The following ZNF792 variants were observed in gnomAD, a reference collection of about 807,000 sequenced individuals.
ZNF792 encodes the protein zinc finger protein 792.
A neutral mutation model predicts 13.1 loss-of-function variants in ZNF792; 14 were observed. The observed-to-expected ratio is 1.07, with a 90% CI of 0.71 to 1.67. The LOEUF is 1.67. Ranked by LOEUF, ZNF792 falls within the 40% of genes most tolerant of loss-of-function variation. The pLI is 0.00. For synonymous variants in ZNF792, 257 were observed against 292.0 expected, an observed-to-expected ratio of 0.88 and a Z score of 1.22; for missense variants, 740 against 807.9, an observed-to-expected ratio of 0.92 and a Z score of 1.02.
At chr19:34,963,484 G>T in intron 1 of ZNF792, 146 bp downstream of exon 1, 2 of 1,164,946 alleles carry the variant, frequency 1.7e-6, no homozygotes, top group Non-Finnish European at 2.5e-6. Flanking sequence ...CTAGCTGGGA[G>T]CAACTCCCTT....
chr19:34,962,197 A>G lies in ZNF792; in HGVS notation c.34-1203T>C, dbSNP rs577635754. Among the ~76,000 whole-genome samples, 11 of 152,316 alleles carry G rather than the reference A, an allele frequency of 7.2e-5. No homozygotes were observed. In the East Asian group the frequency reaches 2.1e-3, roughly 29 times the overall value. ...CTCACACACAGCTACACTCCCGTCC[A>G]CACACCAGATGTCACATTTTGGATG... On this transcript the variant is annotated intron_variant, in intron 1 of 3. Transcript: ENST00000404801.
intron 1 of ZNF792, among the ~76,000 whole-genome samples, chr19:34,961,304 C>T (rs900248833): frequency 2.6e-4 from 40 of 152,104 alleles, no homozygotes; most frequent in African/African-American, 9.4e-4. Context: ...CAGTCCAGAG[C>T]CCTGGGGTGA....
rs1461918569 is a variant in ZNF792 at position 34,959,363 on chromosome 19, T to C, written c.492A>G (p.Ala164=). The C allele has an allele frequency of 2.5e-6, 4 of 1,613,992 alleles. No individual in the cohort carries two copies. Among genetic ancestry groups the C allele is most frequent in the Admixed American group, 1.7e-5 (1 of 60,012 alleles). The part of the protein sequence containing the change: ...HPRQKPFVCE[A]YVKGSEFSAN... Reference sequence around the variant, plus strand: ...CACTGAACTCAGAGCCTTTCACATATGCCTCACACACAAATGGTTTCTGCC... The same window carrying C: ...CACTGAACTCAGAGCCTTTCACATACGCCTCACACACAAATGGTTTCTGCC... Residue 164 remains alanine, a synonymous_variant, in exon 4 of 4, where the codon GCA becomes GCG. Coordinates refer to ENST00000404801, the MANE Select transcript of ZNF792 (RefSeq NM_175872.5).
Position 34,958,408 on chromosome 19 carries a change from A to G in ZNF792, c.1447T>C (p.Cys483Arg). The change falls in exon 4 of 4, where the codon TGT becomes CGT. Residue 483 changes from cysteine to arginine, a missense_variant. Transcript: ENST00000404801. ...TGERPYECNE[C>R]GKLFSQSSSL... ...GAGCTCTGGCTAAATAACTTCCCAC[A>G]TTCATTGCATTCATAAGGCCGCTCA... 1 of 1,613,524 alleles carries G rather than the reference A, an allele frequency of 6.2e-7. No homozygotes were observed. The highest frequency in any genetic ancestry group is 8.5e-7 in the Non-Finnish European group (1 of 1,179,738).
Position 34,958,452 on chromosome 19 carries a change from T to A in ZNF792, c.1403A>T (p.His468Leu). 1 of 1,608,346 alleles carries A rather than the reference T, an allele frequency of 6.2e-7. No individual in the cohort carries two copies. Among genetic ancestry groups the A allele is most frequent in the Non-Finnish European group, 8.5e-7 (1 of 1,176,812 alleles). The change falls in exon 4 of 4, where the codon CAT becomes CTT. Residue 468 changes from histidine (H) to leucine (L), a missense_variant. Coordinates refer to ENST00000404801, the MANE Select transcript of ZNF792 (RefSeq NM_175872.5). ...AFSRSSDLMK[H>L]QRVHTGERPY... ...CCGCTCACCAGTGTGAACTCGCTGA[T>A]GTTTCATGAGGTCAGAGCTTCGGCT...
chr19:34,957,782 G>A lies in ZNF792; in HGVS notation c.*174C>T, dbSNP rs1246187890. 6.5e-6 allele frequency: 4 copies of A among 616,980 alleles called. No homozygotes were observed. The highest frequency in any genetic ancestry group is 1.1e-5 in the Non-Finnish European group (4 of 363,190). 38.2% of individuals were successfully genotyped at this position (616,980 alleles called of 1,614,324 possible). ...CCCTTTAGGGATTGGAAAGAGAGAG[G>A]AGAGGTCTGCCTTCCCTGAGCACAG... On this transcript the variant is annotated 3_prime_UTR_variant, in exon 4 of 4. Coordinates refer to ENST00000404801, the MANE Select transcript of ZNF792 (RefSeq NM_175872.5).
At position 34,958,183 on chromosome 19, in the gene ZNF792, G is replaced by A. The variant is rs2013463098; in HGVS notation, c.1672C>T (p.Pro558Ser). Reference sequence around the variant, plus strand: ...TCGCTGCATTCGTAAGGCCTGTCTGGTTTGTGAACTTTCAGGTGCTGCCTC... The same window carrying A: ...TCGCTGCATTCGTAAGGCCTGTCTGATTTGTGAACTTTCAGGTGCTGCCTC... ...NLRQHLKVHK[P>S]DRPYECSECG... Residue 558 changes from proline to serine, a missense_variant, in exon 4 of 4, where the codon CCA becomes TCA. Pro to Ser is a moderately conservative substitution (Grantham distance 74). Transcript: ENST00000404801. 6.2e-7 allele frequency: 1 copy of A among 1,611,680 alleles called. No homozygotes were observed. The highest frequency in any genetic ancestry group is 1.3e-5 in the African/African-American group (1 of 74,912).
At position 34,958,288 on chromosome 19, in the gene ZNF792, T is replaced by C. The variant is rs1250706982; in HGVS notation, c.1567A>G (p.Asn523Asp). Residue 523 changes from asparagine to aspartate, a missense_variant, in exon 4 of 4, where the codon AAC becomes GAC. Physicochemically the swap from Asn to Asp is conservative, Grantham distance 23 (BLOSUM62 1). Transcript: ENST00000404801. ...KFFNQSSSLN[N>D]HRRLHTGERP... Reference sequence around the variant, plus strand: ...TCGCCGGTGTGAAGTCTCCGGTGGTTATTGAGGCTGGAGCTTTGGTTAAAG... The same window carrying C: ...TCGCCGGTGTGAAGTCTCCGGTGGTCATTGAGGCTGGAGCTTTGGTTAAAG... The C allele has an allele frequency of 6.2e-7, 1 of 1,604,724 alleles. No individual in the cohort carries two copies. Among genetic ancestry groups the C allele is most frequent in the South Asian group, 1.1e-5 (1 of 90,670 alleles).
chr19:34,960,960 A>T lies in ZNF792; in HGVS notation c.68T>A (p.Phe23Tyr). 1 of 1,613,844 alleles carries T rather than the reference A, an allele frequency of 6.2e-7. No individual in the cohort carries two copies. Among genetic ancestry groups the T allele is most frequent in the Non-Finnish European group, 8.5e-7 (1 of 1,179,886 alleles). The change falls in exon 2 of 4, where the codon TTC becomes TAC. Residue 23 changes from phenylalanine to tyrosine, a missense_variant. Physicochemically the swap from Phe to Tyr is conservative, Grantham distance 22. Transcript: ENST00000404801. ...GAGGAGCACCCACTCCTCCTGGGAG[A>T]AGTAAATGGTCACGTCCTCAAAGGT... ...CVTFEDVTIY[F>Y]SQEEWVLLDE... is the part of the protein sequence containing the mutation.
rs201454347 is a variant in ZNF792 at position 34,960,907 on chromosome 19, C to G, written c.121G>C (p.Asp41His). 8.7e-6 allele frequency: 14 copies of G among 1,613,916 alleles called. No homozygotes were observed. In the South Asian group the frequency reaches 1.2e-4, roughly 14 times the overall value. ...AGTGCAAAGTTTTCCAGCATCACAT[C>G]GCAGTACAGGAGTCTCTGAGCCTCA... ...LDEAQRLLYC[D>H]VMLENFALIA... The change falls in exon 2 of 4, where the codon GAT (aspartate) becomes CAT (histidine). Residue 41 changes from aspartate (D) to histidine (H), a missense_variant. Transcript: ENST00000404801.
chr19:34,963,595 G>A (rs756971091), intron 1 of ZNF792, 35 bp downstream of exon 1: 4 of 1,593,346 alleles, frequency 2.5e-6, no homozygotes, highest in African/African-American at 2.7e-5. Context: ...AGCGTGGGGG[G>A]CCGACAGCGA....
At chr19:34,962,302 G>C (rs1262595081) in intron 1 of ZNF792, among the ~76,000 whole-genome samples, 1 of 151,726 alleles carries the variant, frequency 6.6e-6, no homozygotes, top group African/African-American at 2.4e-5. Flanking sequence ...TATAGCAAGA[G>C]AGACTCAATG....
At position 34,957,805 on chromosome 19, in the gene ZNF792, C is replaced by T; in HGVS notation, c.*151G>A. 1.4e-6 allele frequency: 1 copy of T among 725,040 alleles called. No homozygotes were observed. Among genetic ancestry groups the T allele is most frequent in the Non-Finnish European group, 2.2e-6 (1 of 449,156 alleles). The allele number at this position is 725,040 out of a possible 1,614,324, so 44.9% of individuals were successfully genotyped here. ...AGGAGAGGTCTGCCTTCCCTGAGCACAGTGGAGTGGTGGACACACTCTTTG... is the reference window on the plus strand; with the variant it reads ...AGGAGAGGTCTGCCTTCCCTGAGCATAGTGGAGTGGTGGACACACTCTTTG... On this transcript the variant is annotated 3_prime_UTR_variant, in exon 4 of 4. Transcript: ENST00000404801.
At chr19:34,962,389 G>A (rs899965839) in intron 1 of ZNF792, among the ~76,000 whole-genome samples, 1 of 152,190 alleles carries the variant, frequency 6.6e-6, no homozygotes, top group Non-Finnish European at 1.5e-5. Flanking sequence ...GCTCCTGTTC[G>A]TAGGTGGGTG....
At chr19:34,960,673 A>G (rs966217833) in intron 2 of ZNF792, 195 bp downstream of exon 2, 1 of 840,686 alleles carries the variant, frequency 1.2e-6, no homozygotes. Flanking sequence ...TTCAGGCAGC[A>G]GGTGTGGGGG....
Position 34,957,539 on chromosome 19 carries a change from A to G in ZNF792, c.*417T>C, listed in dbSNP as rs1321014917. 5.8e-6 allele frequency: 1 copy of G among 173,254 alleles called. No individual in the cohort carries two copies. Among genetic ancestry groups the G allele is most frequent in the East Asian group, 1.7e-4 (1 of 5,906 alleles). The allele number at this position is 173,254 out of a possible 1,614,324, so 10.7% of individuals were successfully genotyped here. On this transcript the variant is annotated 3_prime_UTR_variant, in exon 4 of 4. Transcript: ENST00000404801. ...CATGAACCAGGGCAATACACAGGAG[A>G]TAAGTTGTTGTGTAGAGTAACATGA...
At position 34,964,161 on chromosome 19, in the gene ZNF792, A is replaced by C. The variant is rs1342985479; in HGVS notation, c.-499T>G. 6.5e-6 allele frequency: 1 copy of C among 154,460 alleles called. No individual in the cohort carries two copies. Among genetic ancestry groups the C allele is most frequent in the East Asian group, 1.9e-4 (1 of 5,236 alleles). The allele number at this position is 154,460 out of a possible 1,614,324, so 9.6% of individuals were successfully genotyped here. On this transcript the variant is annotated 5_prime_UTR_variant, in exon 1 of 4. Transcript: ENST00000404801. ...TTGGCCTGGCGCCAGCCGCTGGTGC[A>C]CAGGCAGGGCCTGGGGATCGCGAGT...
chr19:34,957,298 T>A lies in ZNF792; in HGVS notation c.*658A>T, dbSNP rs1054986199. On this transcript the variant is annotated 3_prime_UTR_variant, in exon 4 of 4. Coordinates refer to ENST00000404801, the MANE Select transcript of ZNF792 (RefSeq NM_175872.5). ...CATTCAGACCACAATATTATACCCA[T>A]AAATTCCTACAATTTTTCCTAGGAG... is the stretch of plus-strand genomic sequence containing the variant. 3 of 152,180 alleles carry A rather than the reference T, an allele frequency of 2.0e-5. No homozygotes were observed. The highest frequency in any genetic ancestry group is 7.2e-5 in the African/African-American group (3 of 41,436). The allele number at this position is 152,180 out of a possible 1,614,324, so 9.4% of individuals were successfully genotyped here.
At chr19:34,960,656 G>A (rs2013514103) in intron 2 of ZNF792, 2 of 782,648 alleles carry the variant, frequency 2.6e-6, no homozygotes, top group Non-Finnish European at 4.0e-6. Context: ...GAGCTTCCCT[G>A]CAAGGCTTCA....
Sources: gnomAD v4.1 joint callset for allele counts (sites outside exome capture counted in the v4.1 genomes callset) on GRCh38, gnomAD v4.1.1 for gene constraint, MANE v1.5 for transcripts, NCBI Gene and HGNC (gene_info 2026-07-23, HGNC 2026-07-21) for gene names.